The following KIAA1217 variants were observed in gnomAD, a reference collection of about 807,000 sequenced individuals.
The protein encoded by KIAA1217 is sickle tail protein homolog.
KIAA1217 carries 88 observed loss-of-function variants against 163.9 expected under a neutral mutation model. The ratio of observed to expected loss-of-function variants is 0.54; its 90% CI spans 0.45 to 0.64. KIAA1217 has a LOEUF of 0.64. KIAA1217 is among the 30% of genes least tolerant of loss of function. The probability of loss-of-function intolerance (pLI) is 0.00; values close to 1 mark genes in which losing one functional copy is unlikely to be tolerated. For missense variants in KIAA1217, 2,372 were observed against 2,475.0 expected (o/e 0.96, Z 0.88); for synonymous variants, 903 against 923.1 (o/e 0.98, Z 0.39).
chr10:23,945,944 C>G (rs1844016102), intron 1 of KIAA1217, among the ~76,000 whole-genome samples: 1 of 152,028 alleles, frequency 6.6e-6, no homozygotes, highest in Admixed American at 6.6e-5. Context: ...ACTTTAAAGC[C>G]TGGATTTTAC....
chr10:23,973,958 A>G (rs1157939633), intron 1 of KIAA1217, among the ~76,000 whole-genome samples: 1 of 152,244 alleles, frequency 6.6e-6, no homozygotes, highest in Non-Finnish European at 1.5e-5. Context: ...TAGCCCCCAA[A>G]TACATGAACA....
At chr10:24,028,940 C>G (rs1009436810) in intron 2 of KIAA1217, among the ~76,000 whole-genome samples, 2 of 152,132 alleles carry the variant, frequency 1.3e-5, no homozygotes, top group African/African-American at 4.8e-5. Flanking sequence ...CTGGACAATT[C>G]TTTCCAGAAA....
At chr10:24,503,911 T>C (rs2068007338) in intron 9 of KIAA1217, among the ~76,000 whole-genome samples, 1 of 152,240 alleles carries the variant, frequency 6.6e-6, no homozygotes, top group Non-Finnish European at 1.5e-5. Context: ...TGGAAGTACC[T>C]AACTGCTCTC....
intron 2 of KIAA1217, among the ~76,000 whole-genome samples, chr10:24,271,169 T>G (rs2076736669): frequency 1.3e-5 from 2 of 152,218 alleles, no homozygotes; most frequent in Admixed American, 6.5e-5. Flanking sequence ...AAGTTATTTT[T>G]CTAAGTGCCA....
At chr10:24,128,201 T>C (rs1017526631) in intron 2 of KIAA1217, among the ~76,000 whole-genome samples, 5 of 152,184 alleles carry the variant, frequency 3.3e-5, no homozygotes, top group Non-Finnish European at 5.9e-5. Flanking sequence ...CCCTGGTCAG[T>C]GGTTTACAAT....
chr10:24,524,231 T>C (rs2071749553), intron 12 of KIAA1217, 92 bp from the exon 13 acceptor site: 15 of 1,357,508 alleles, frequency 1.1e-5, no homozygotes, highest in Non-Finnish European at 1.4e-5. Context: ...GATGTGTGAC[T>C]CTCACCTGGC....
intron 1 of KIAA1217, among the ~76,000 whole-genome samples, chr10:23,911,365 G>A (rs970692451): frequency 5.3e-5 from 8 of 152,270 alleles, no homozygotes; most frequent in Non-Finnish European, 7.4e-5. Context: ...CATATACCCC[G>A]TAGGGGCTTT....
chr10:23,782,455 A>G (rs924894021), intron 1 of KIAA1217, among the ~76,000 whole-genome samples: 1 of 152,188 alleles, frequency 6.6e-6, no homozygotes, highest in African/African-American at 2.4e-5. Flanking sequence ...ATTTAGAGAC[A>G]GAGTCTAGTT....
chr10:23,750,636 C>T (rs1404964682), intron 1 of KIAA1217, among the ~76,000 whole-genome samples: 1 of 152,138 alleles, frequency 6.6e-6, no homozygotes, highest in Admixed American at 6.5e-5. Context: ...ACGGAAGGCA[C>T]TCAAATCACA....
chr10:24,207,283 CA>C (rs2067613321), upstream of KIAA1217, among the ~76,000 whole-genome samples: 2 of 5,612 alleles, frequency 3.6e-4, no homozygotes, highest in Admixed American at 1.6e-3. Flanking sequence ...CTCTCTCTCT[CA>C]CACACACACA....
rs756519299 is a variant in KIAA1217, at chr10:23,695,530, G to A, written c.-321+296G>A. ...AGGGAAGGATGTGGGGAGAGTGAAG[G>A]TGGAGGCAGTCACACCTATCCTGGT... On this transcript the variant is annotated intron_variant, in intron 1 of 18. Coordinates refer to the KIAA1217 transcript ENST00000376462. The surrounding 1 kb of genome is among the most constrained non-coding windows in gnomAD (Gnocchi z 4.9). Among the ~76,000 whole-genome samples the A allele has an allele frequency of 3.3e-5, 5 of 152,154 alleles. No individual in the cohort carries two copies. The highest frequency in any genetic ancestry group is 5.9e-5 in the Non-Finnish European group (4 of 68,032).
chr10:24,341,390 A>C (rs548876472), intron 2 of KIAA1217, among the ~76,000 whole-genome samples: 26 of 152,308 alleles, frequency 1.7e-4, no homozygotes, highest in African/African-American at 5.5e-4. Context: ...CCTAAAAAAA[A>C]AAAGACCTCA....
intron 2 of KIAA1217, among the ~76,000 whole-genome samples, chr10:24,288,601 A>T (rs1183027883): frequency 4.6e-5 from 7 of 152,206 alleles, no homozygotes; most frequent in African/African-American, 1.7e-4. Flanking sequence ...ATACAAGGAG[A>T]CCAGAGAAAC....
chr10:24,422,740 T>C (rs998483787), intron 3 of KIAA1217, among the ~76,000 whole-genome samples: 5 of 151,818 alleles, frequency 3.3e-5, no homozygotes, highest in African/African-American at 1.2e-4. Context: ...TGAATCCCAA[T>C]TGCACCAATT....
chr10:24,229,610 C>T (rs921912060), intron 2 of KIAA1217, among the ~76,000 whole-genome samples: 23 of 152,134 alleles, frequency 1.5e-4, no homozygotes, highest in African/African-American at 2.2e-4. Context: ...CTCCGCCTCC[C>T]GGGTTCAAGC....
chr10:23,869,086 A>G (rs1010697657), intron 1 of KIAA1217, among the ~76,000 whole-genome samples: 1 of 125,846 alleles, frequency 7.9e-6, no homozygotes, highest in Non-Finnish European at 1.6e-5. Flanking sequence ...AGTCCAGGGT[A>G]TATACATTTG....
chr10:24,473,545 A>G lies in KIAA1217; in HGVS notation c.1164A>G (p.Arg388=), dbSNP rs1317946063. 8 of 1,614,122 alleles carry G rather than the reference A, an allele frequency of 5.0e-6. No homozygotes were observed. Among genetic ancestry groups the G allele is most frequent in the Non-Finnish European group, 6.8e-6 (8 of 1,180,008 alleles). Residue 388 remains arginine (R), a synonymous_variant, in exon 6 of 21, where the codon AGA becomes AGG. Coordinates refer to ENST00000376454, the MANE Select transcript of KIAA1217 (RefSeq NM_019590.5). ...DMSGKNIAMY[R]NEGFYADPYL... ...GTGGCAAAAACATTGCAATGTACAGAAATGAGGGTTTCTATGCTGATCCTT... is the reference window on the plus strand; with the variant it reads ...GTGGCAAAAACATTGCAATGTACAGGAATGAGGGTTTCTATGCTGATCCTT...
At chr10:23,974,188 G>A (rs1845442625) in intron 1 of KIAA1217, among the ~76,000 whole-genome samples, 1 of 152,164 alleles carries the variant, frequency 6.6e-6, no homozygotes, top group South Asian at 2.1e-4. Context: ...AGCGTGTGTT[G>A]TGAGAAAGTG....
intron 2 of KIAA1217, among the ~76,000 whole-genome samples, chr10:24,363,078 T>A (rs1295083012): frequency 6.6e-6 from 1 of 152,242 alleles, no homozygotes; most frequent in Admixed American, 6.5e-5. Context: ...TTCCCTCCTT[T>A]ACTGATACTT....
Sources: gnomAD v4.1 joint callset for allele counts (sites outside exome capture counted in the v4.1 genomes callset) on GRCh38, gnomAD v4.1.1 for gene constraint, Gnocchi (gnomAD v3.1) non-coding constraint, MANE v1.5 for transcripts, NCBI Gene and HGNC (gene_info 2026-07-23, HGNC 2026-07-21) for gene names.